Variants in NXPE2 observed in about 807,000 individuals in gnomAD.
NXPE2 encodes neurexophilin and PC-esterase domain family member 2, also known as NXPE family member 2.
A neutral mutation model predicts 34.4 loss-of-function variants in NXPE2; 34 were observed. The ratio of observed to expected loss-of-function variants is 0.99; its 90% CI spans 0.75 to 1.31. The LOEUF is 1.31. Among genes scored for constraint, NXPE2 ranks in the 40% most tolerant of loss-of-function variants. The pLI is 0.00. For missense variants in NXPE2, 649 were observed against 672.5 expected (o/e 0.97, Z 0.39); for synonymous variants, 235 against 231.3 (o/e 1.02, Z -0.15).
the NXPE2 span, among the ~76,000 whole-genome samples, chr11:114,528,085 T>C: frequency 1.3e-5 from 2 of 152,180 alleles, no homozygotes; most frequent in Admixed American, 1.3e-4. Flanking sequence ...CTTTCTACCC[T>C]GCTGAGAGCA....
chr11:114,650,304 T>C, the NXPE2 span, among the ~76,000 whole-genome samples: 1 of 152,132 alleles, frequency 6.6e-6, no homozygotes, highest in African/African-American at 2.4e-5. Flanking sequence ...AAACGCCAAA[T>C]GTGAGCTAGT....
intron 2 of NXPE2, among the ~76,000 whole-genome samples, chr11:114,680,270 C>A (rs1591424999): frequency 6.6e-6 from 1 of 152,244 alleles, no homozygotes; most frequent in African/African-American, 2.4e-5. Context: ...TCTTCTGGTC[C>A]TGATCAAATA....
At chr11:114,776,012 C>G in the NXPE2 span, among the ~76,000 whole-genome samples, 8 of 152,338 alleles carry the variant, frequency 5.3e-5, no homozygotes, top group Admixed American at 3.3e-4. Flanking sequence ...CACAAGGCAT[C>G]AGCTGCTATG....
chr11:114,706,662 A>G lies in NXPE2; in HGVS notation c.1412A>G (p.Lys471Arg). The G allele has an allele frequency of 6.4e-7, 1 of 1,552,038 alleles. No individual in the cohort carries two copies. Among genetic ancestry groups the G allele is most frequent in the Non-Finnish European group, 8.7e-7 (1 of 1,147,040 alleles). ...IFIRRAINIQ[K>R]AIERLFLRSP... ...ATCCGTAGGGCCATCAATATTCAAAAGGCCATTGAACGTCTATTCTTGCGA... is the reference window on the plus strand; with the variant it reads ...ATCCGTAGGGCCATCAATATTCAAAGGGCCATTGAACGTCTATTCTTGCGA... The change falls in exon 6 of 6, where the codon AAG (lysine) becomes AGG (arginine). Residue 471 changes from lysine to arginine, a missense_variant. Lys to Arg is a conservative substitution (Grantham distance 26, BLOSUM62 2). Coordinates refer to ENST00000389586, the MANE Select transcript of NXPE2 (RefSeq NM_182495.6).
At chr11:114,465,970 T>G in the NXPE2 span, among the ~76,000 whole-genome samples, 1 of 152,190 alleles carries the variant, frequency 6.6e-6, no homozygotes, top group Non-Finnish European at 1.5e-5. Flanking sequence ...TTTCAGGTAC[T>G]GCTTTTATTT....
At chr11:114,572,928 A>G in the NXPE2 span, among the ~76,000 whole-genome samples, 1 of 152,212 alleles carries the variant, frequency 6.6e-6, no homozygotes, top group African/African-American at 2.4e-5. Context: ...ATCTAAAGTC[A>G]AGATGAAGGA....
the NXPE2 span, among the ~76,000 whole-genome samples, chr11:114,602,305 A>T: frequency 1.7e-5 from 2 of 116,012 alleles, no homozygotes; most frequent in Non-Finnish European, 3.3e-5. Flanking sequence ...AACATATACT[A>T]TATATAATAT....
the NXPE2 span, among the ~76,000 whole-genome samples, chr11:114,672,943 C>G: frequency 6.6e-6 from 1 of 151,092 alleles, no homozygotes; most frequent in Admixed American, 6.6e-5. Context: ...AAATTATAAG[C>G]CATCTAGACC....
chr11:114,727,237 A>G, the NXPE2 span, among the ~76,000 whole-genome samples: 3 of 152,120 alleles, frequency 2.0e-5, no homozygotes, highest in Admixed American at 2.0e-4. Flanking sequence ...AGTGGCTAGA[A>G]GTCTGAGATC....
the NXPE2 span, among the ~76,000 whole-genome samples, chr11:114,607,162 G>A: frequency 6.6e-6 from 1 of 151,794 alleles, no homozygotes; most frequent in East Asian, 1.9e-4. Context: ...ATTACCCACT[G>A]GATAATCAGT....
At chr11:114,565,073 C>T in the NXPE2 span, among the ~76,000 whole-genome samples, 1 of 152,168 alleles carries the variant, frequency 6.6e-6, no homozygotes, top group Non-Finnish European at 1.5e-5. Context: ...AGGAACAGTA[C>T]AGCGAATAAC....
chr11:114,605,949 G>A, the NXPE2 span, among the ~76,000 whole-genome samples: 4 of 151,870 alleles, frequency 2.6e-5, no homozygotes, highest in African/African-American at 9.7e-5. Context: ...TTACCTGGTG[G>A]ATAATAAGTG....
chr11:114,556,719 A>G, the NXPE2 span, among the ~76,000 whole-genome samples: 1 of 151,756 alleles, frequency 6.6e-6, no homozygotes, highest in Admixed American at 6.6e-5. Context: ...AGAGTTTAAT[A>G]CTGTTCTATG....
the NXPE2 span, among the ~76,000 whole-genome samples, chr11:114,629,257 T>C: frequency 6.6e-6 from 1 of 152,060 alleles, no homozygotes; most frequent in Non-Finnish European, 1.5e-5. Flanking sequence ...TGAACATTGA[T>C]GCAAAAATCC....
At chr11:114,464,662 C>A in the NXPE2 span, among the ~76,000 whole-genome samples, 4 of 152,008 alleles carry the variant, frequency 2.6e-5, no homozygotes, top group South Asian at 2.1e-4. Flanking sequence ...ATTTAAAAAG[C>A]TGTACACACA....
intron 3 of NXPE2, among the ~76,000 whole-genome samples, chr11:114,702,751 G>C (rs1951389558): frequency 6.6e-6 from 1 of 152,188 alleles, no homozygotes. Flanking sequence ...CCATAGTGCT[G>C]TCTCCCATGA....
chr11:114,619,017 C>T, the NXPE2 span, among the ~76,000 whole-genome samples: 1 of 152,034 alleles, frequency 6.6e-6, no homozygotes, highest in African/African-American at 2.4e-5. Context: ...ACCACTGTTA[C>T]CCAGTTGATA....
the NXPE2 span, among the ~76,000 whole-genome samples, chr11:114,506,600 A>G: frequency 2.6e-5 from 4 of 152,216 alleles, no homozygotes; most frequent in East Asian, 7.7e-4. Flanking sequence ...ATACAATTAC[A>G]TGGAAATTGA....
At chr11:114,496,598 A>ATT in the NXPE2 span, among the ~76,000 whole-genome samples, 1 of 152,042 alleles carries the variant, frequency 6.6e-6, no homozygotes, top group Non-Finnish European at 1.5e-5. Flanking sequence ...CCTCCTCAAC[A>ATT]TTTTGTTTTG....
Sources: allele counts gnomAD v4.1 joint callset (sites outside exome capture counted in the v4.1 genomes callset), GRCh38; gene constraint gnomAD v4.1.1; transcripts MANE v1.5; gene names NCBI Gene and HGNC (gene_info 2026-07-23, HGNC 2026-07-21).